The following GPHN variants were observed in gnomAD, a reference collection of about 807,000 sequenced individuals.
GPHN encodes the protein gephyrin.
GPHN carries 17 observed loss-of-function variants against 95.5 expected under a neutral mutation model. The observed-to-expected ratio is 0.18, with a 90% CI of 0.12 to 0.27. GPHN has a LOEUF of 0.27. Among genes scored for constraint, GPHN ranks in the 10% least tolerant of loss-of-function variants. The pLI is 1.00. For synonymous variants in GPHN, 320 were observed against 322.5 expected (o/e 0.99, Z 0.08); for missense variants, 660 against 978.1 (o/e 0.67, Z 4.34).
At chr14:67,203,446 G>A in the GPHN span, among the ~76,000 whole-genome samples, 7 of 152,294 alleles carry the variant, frequency 4.6e-5, no homozygotes, top group African/African-American at 9.6e-5. Flanking sequence ...CCTTGAAGAC[G>A]GGTGAAATCA....
At chr14:67,135,787 CCCT>C in intron 17 of GPHN, among the ~76,000 whole-genome samples, 1 of 152,138 alleles carries the variant, frequency 6.6e-6, no homozygotes, top group Admixed American at 6.5e-5. Context: ...CTCTTTTCCC[CCCT>C]ATCTCTTCCT....
the GPHN span, chr14:67,467,703 A>T: frequency 6.6e-6 from 1 of 152,204 alleles, no homozygotes; most frequent in African/African-American, 2.4e-5. Flanking sequence ...CCAGAAACTC[A>T]TCAAGTACAA....
chr14:67,475,910 C>T, the GPHN span, among the ~76,000 whole-genome samples: 3 of 152,230 alleles, frequency 2.0e-5, no homozygotes, highest in African/African-American at 4.8e-5. Context: ...ATGTGAACTC[C>T]TTGAGGATAG....
chr14:67,328,551 C>T, the GPHN span, among the ~76,000 whole-genome samples: 1 of 152,132 alleles, frequency 6.6e-6, no homozygotes, highest in Admixed American at 6.5e-5. Flanking sequence ...AAGTCCTTGC[C>T]CATGCCTATG....
chr14:66,935,384 T>C (rs2067058411), intron 8 of GPHN, among the ~76,000 whole-genome samples: 1 of 151,794 alleles, frequency 6.6e-6, no homozygotes. Flanking sequence ...GACTTCTTCT[T>C]GGTAAATGAT....
chr14:67,034,262 A>G (rs2074316031), intron 10 of GPHN, among the ~76,000 whole-genome samples: 1 of 152,194 alleles, frequency 6.6e-6, no homozygotes. Context: ...TTTATATATG[A>G]TTGATAGATT....
At chr14:66,758,731 C>T (rs113466551) in intron 2 of GPHN, among the ~76,000 whole-genome samples, 84 of 152,244 alleles carry the variant, frequency 5.5e-4, no homozygotes, top group African/African-American at 1.7e-3. Flanking sequence ...AAGAAACCTC[C>T]GGGTTATGGG....
At chr14:66,810,228 A>G (rs1566968954) in intron 3 of GPHN, among the ~76,000 whole-genome samples, 1 of 151,946 alleles carries the variant, frequency 6.6e-6, no homozygotes, top group Non-Finnish European at 1.5e-5. Context: ...AGTAACACCT[A>G]TAGTACCAGT....
rs539633566 is a variant in GPHN, at chr14:66,801,247, G to C, written c.202-23227G>C. On this transcript the variant is annotated intron_variant, in intron 3 of 22. Transcript: ENST00000478722. Reference sequence around the variant, plus strand: ...AGGTCATGTTTTCCTGGGTTGTCTTGATACTTGCAGATGTTCATCTGTGTC... The same window carrying C: ...AGGTCATGTTTTCCTGGGTTGTCTTCATACTTGCAGATGTTCATCTGTGTC... 3.3e-5 allele frequency among the ~76,000 whole-genome samples: 5 copies of C among 152,160 alleles called. No homozygotes were observed. In the South Asian group the frequency reaches 1.0e-3, roughly 32 times the overall value.
chr14:67,208,102 C>A, the GPHN span: 24 of 1,502,520 alleles, frequency 1.6e-5, no homozygotes, highest in Admixed American at 4.0e-4. Flanking sequence ...TGCTCAGTGA[C>A]GATGAATGAA....
chr14:67,420,485 A>G, the GPHN span, among the ~76,000 whole-genome samples: 46 of 152,328 alleles, frequency 3.0e-4, no homozygotes, highest in African/African-American at 9.4e-4. Flanking sequence ...ATTTTGACCA[A>G]TCACGCTCCT....
the GPHN span, among the ~76,000 whole-genome samples, chr14:67,225,785 ACC>A: frequency 6.6e-6 from 1 of 152,194 alleles, no homozygotes; most frequent in Non-Finnish European, 1.5e-5. Context: ...TGTTCGAAAC[ACC>A]AGCTCTGCAG....
intron 6 of GPHN, among the ~76,000 whole-genome samples, chr14:66,920,957 C>T (rs1826483500): frequency 6.6e-6 from 1 of 151,996 alleles, no homozygotes; most frequent in Non-Finnish European, 1.5e-5. Flanking sequence ...AGTAATATAC[C>T]ATCATATATA....
the GPHN span, among the ~76,000 whole-genome samples, chr14:67,231,987 T>A: frequency 1.4e-5 from 2 of 148,070 alleles, no homozygotes; most frequent in Admixed American, 6.8e-5. Flanking sequence ...AAAAAAAAAA[T>A]TAACATGATA....
In GPHN at chr14:66,616,425, T is replaced by TTTG. The variant is rs112215078; in HGVS notation, c.65-64658_65-64656dup. Among the ~76,000 whole-genome samples, 1,156 of 150,116 alleles carry TTTG rather than the reference T, an allele frequency of 7.7e-3. 13 individuals are homozygous for TTTG. Among genetic ancestry groups the TTTG allele is most frequent in the African/African-American group, 0.013 (536 of 40,254 alleles). On this transcript the variant is annotated intron_variant, in intron 1 of 22. Transcript: ENST00000478722. Reference sequence around the variant, plus strand: ...GTTGTTGCTTTCTGTTTCTTTGTGTTTTGTTGTTGTTGTTGTTGTTGTTGT... The same window carrying TTTG: ...GTTGTTGCTTTCTGTTTCTTTGTGTTTTGTTGTTGTTGTTGTTGTTGTTGTTGT...
the GPHN span, chr14:67,620,103 C>G: frequency 6.4e-7 from 1 of 1,561,120 alleles, no homozygotes; most frequent in Non-Finnish European, 8.7e-7. Context: ...GAACTGGCAC[C>G]TGGAACCGCC....
intron 1 of GPHN, among the ~76,000 whole-genome samples, chr14:66,594,370 G>C (rs1478499879): frequency 6.6e-6 from 1 of 152,100 alleles, no homozygotes. Flanking sequence ...GCAATGTTGA[G>C]TAAAAAGGAT....
chr14:67,175,045 G>T (rs2082850430), intron 21 of GPHN, among the ~76,000 whole-genome samples: 1 of 151,936 alleles, frequency 6.6e-6, no homozygotes, highest in Admixed American at 6.6e-5. Flanking sequence ...CACTCTGATG[G>T]TAGTTTCTTT....
intron 1 of GPHN, among the ~76,000 whole-genome samples, chr14:66,588,783 A>G (rs1259757122): frequency 6.6e-6 from 1 of 152,188 alleles, no homozygotes. Flanking sequence ...TGACAGGGAG[A>G]ATGGAACCAC....
Sources: gnomAD v4.1 joint callset for allele counts (sites outside exome capture counted in the v4.1 genomes callset) on GRCh38, gnomAD v4.1.1 for gene constraint, MANE v1.5 for transcripts, NCBI Gene and HGNC (gene_info 2026-07-23, HGNC 2026-07-21) for gene names.